The following IFT74 variants were observed in gnomAD, a reference collection of about 807,000 sequenced individuals.
IFT74 encodes intraflagellar transport 74.
In IFT74, 92 loss-of-function variants were observed where a neutral mutation model predicts 96.7. The ratio of observed to expected loss-of-function variants is 0.95; its 90% confidence interval spans 0.80 to 1.13. IFT74 has a LOEUF of 1.13. Ranked by LOEUF, IFT74 falls within the 50% of genes most tolerant of loss-of-function variation. The probability of loss-of-function intolerance (pLI) is 0.00; values close to 1 mark genes in which losing one functional copy is unlikely to be tolerated. For synonymous variants in IFT74, 223 were observed against 213.2 expected (o/e 1.05, Z -0.40); for missense variants, 811 against 698.2 (o/e 1.16, Z -1.82).
At chr9:27,046,406 A>G (rs1819704544) in intron 14 of IFT74, among the ~76,000 whole-genome samples, 1 of 152,220 alleles carries the variant, frequency 6.6e-6, no homozygotes, top group Non-Finnish European at 1.5e-5. Context: ...GATGTTATTC[A>G]TGCTAACAGT....
chr9:26,962,568 G>A (rs972991250), intron 2 of IFT74, among the ~76,000 whole-genome samples: 11 of 152,144 alleles, frequency 7.2e-5, no homozygotes, highest in African/African-American at 1.2e-4. Context: ...AAAACATGGA[G>A]CATTCAATAG....
At chr9:27,020,561 T>G (rs370700278) in intron 12 of IFT74, among the ~76,000 whole-genome samples, 3,858 of 149,752 alleles carry the variant, frequency 0.026, 160 homozygotes, top group African/African-American at 0.088. Context: ...TGCAAGCTCC[T>G]CCTCCCAGGT....
chr9:27,046,177 G>A (rs1468498625), intron 14 of IFT74, among the ~76,000 whole-genome samples: 1 of 152,126 alleles, frequency 6.6e-6, no homozygotes, highest in Non-Finnish European at 1.5e-5. Flanking sequence ...CTTAATGTGT[G>A]ATCAACAGAT....
intron 1 of IFT74, among the ~76,000 whole-genome samples, chr9:26,961,519 ACT>A (rs1826360164): frequency 6.6e-6 from 1 of 152,152 alleles, no homozygotes; most frequent in South Asian, 2.1e-4. Context: ...CGAAAGTGTT[ACT>A]CTCAGGGGAA....
At chr9:26,955,203 G>A (rs908309351), upstream of IFT74, among the ~76,000 whole-genome samples, 1 of 152,188 alleles carries the variant, frequency 6.6e-6, no homozygotes, top group Non-Finnish European at 1.5e-5. Context: ...CCCAGAAGCT[G>A]AAGAAACAAG....
intron 1 of IFT74, among the ~76,000 whole-genome samples, chr9:26,960,369 A>G (rs1826303124): frequency 6.6e-6 from 1 of 152,180 alleles, no homozygotes; most frequent in South Asian, 2.1e-4. Flanking sequence ...ATGACCTACA[A>G]TAGGACATAC....
intron 2 of IFT74, among the ~76,000 whole-genome samples, chr9:26,969,523 G>T (rs894189359): frequency 5.9e-5 from 9 of 151,654 alleles, no homozygotes; most frequent in African/African-American, 2.2e-4. Flanking sequence ...AAAATCTTCT[G>T]CTAATATGTA....
At chr9:26,975,273 C>A (rs766547900) in intron 2 of IFT74, among the ~76,000 whole-genome samples, 6 of 151,956 alleles carry the variant, frequency 3.9e-5, no homozygotes, top group Non-Finnish European at 7.4e-5. Context: ...TGGCTTGTTC[C>A]CTCTGGTTTT....
chr9:27,007,029 G>A (rs1828827844), intron 8 of IFT74, among the ~76,000 whole-genome samples: 1 of 151,680 alleles, frequency 6.6e-6, no homozygotes, highest in South Asian at 2.1e-4. Flanking sequence ...AGTAGAGACG[G>A]GGTTTCACCA....
intron 8 of IFT74, chr9:26,993,478 A>C (rs573252351): frequency 7.9e-5 from 12 of 152,698 alleles, no homozygotes; most frequent in Admixed American, 6.5e-4. Flanking sequence ...ATTATAAATT[A>C]GTAAGTTCTT....
chr9:27,017,073 T>A, intron 11 of IFT74, 23 bp downstream of exon 11: 2 of 1,581,960 alleles, frequency 1.3e-6, no homozygotes, highest in Non-Finnish European at 1.7e-6. Context: ...AACATACTTA[T>A]TTTAAGATGT....
intron 12 of IFT74, among the ~76,000 whole-genome samples, chr9:27,022,835 G>A (rs1461034479): frequency 1.3e-5 from 2 of 151,998 alleles, no homozygotes; most frequent in African/African-American, 4.8e-5. Flanking sequence ...TAGAGACGGG[G>A]TTTCACTGTG....
chr9:27,002,661 T>C (rs1828563728), intron 8 of IFT74, among the ~76,000 whole-genome samples: 1 of 152,222 alleles, frequency 6.6e-6, no homozygotes, highest in Admixed American at 6.5e-5. Context: ...TCTGTCTTGA[T>C]GCCAGTACCA....
At chr9:27,043,501 C>A (rs1289441706) in intron 13 of IFT74, among the ~76,000 whole-genome samples, 1 of 152,158 alleles carries the variant, frequency 6.6e-6, no homozygotes, top group Non-Finnish European at 1.5e-5. Context: ...CAGTGAAATC[C>A]TATTGTCATA....
chr9:27,056,430 C>T lies in IFT74; in HGVS notation c.1594C>T (p.Gln532Ter). 1 of 1,595,790 alleles carries T rather than the reference C, an allele frequency of 6.3e-7. No individual in the cohort carries two copies. Among genetic ancestry groups the T allele is most frequent in the African/African-American group, 1.4e-5 (1 of 73,996 alleles). The change falls in exon 18 of 20, where the codon CAA becomes TAA. Residue 532 changes from glutamine to a stop codon, truncating the protein, a stop_gained. Coordinates refer to ENST00000380062, the MANE Select transcript of IFT74 (RefSeq NM_025103.4). LOFTEE classifies it high-confidence loss of function. ...CATAGAGTATGAGGCACTAAAAACACAATTGCAAGAAAATGAGACACATTC... is the reference window on the plus strand; with the variant it reads ...CATAGAGTATGAGGCACTAAAAACATAATTGCAAGAAAATGAGACACATTC... ...QNIEYEALKT[Q>*]LQENETHSQL... is the part of the protein sequence containing the mutation.
intron 13 of IFT74, among the ~76,000 whole-genome samples, chr9:27,032,643 G>A (rs368028802): frequency 6.6e-6 from 1 of 151,930 alleles, no homozygotes; most frequent in Non-Finnish European, 1.5e-5. Context: ...TGAGGCAGGC[G>A]GATCATGAGG....
chr9:27,023,710 T>C (rs1829721493), intron 12 of IFT74, among the ~76,000 whole-genome samples: 1 of 152,210 alleles, frequency 6.6e-6, no homozygotes, highest in East Asian at 1.9e-4. Flanking sequence ...CTCTATCTTT[T>C]GGAATAGTTT....
At chr9:27,017,318 C>G (rs10967665) in intron 11 of IFT74, among the ~76,000 whole-genome samples, 2,763 of 152,164 alleles carry the variant, frequency 0.018, 87 homozygotes, top group African/African-American at 0.061. Flanking sequence ...GAGCTGCTGG[C>G]CTCAAGTGAT....
chr9:26,977,261 A>G (rs1827170316), intron 2 of IFT74, among the ~76,000 whole-genome samples: 1 of 152,068 alleles, frequency 6.6e-6, no homozygotes, highest in Non-Finnish European at 1.5e-5. Context: ...CTGTTGGTGC[A>G]TGCCACCATG....
Sources: gnomAD v4.1 joint callset for allele counts (sites outside exome capture counted in the v4.1 genomes callset) on GRCh38, gnomAD v4.1.1 for gene constraint, MANE v1.5 for transcripts, NCBI Gene and HGNC (gene_info 2026-07-23, HGNC 2026-07-21) for gene names.